The following CLASP2 variants were observed in gnomAD, a reference collection of about 807,000 sequenced individuals.
CLASP2 encodes CLIP-associating protein 2.
In CLASP2, 47 loss-of-function variants were observed where a neutral mutation model predicts 194.4. The ratio of observed to expected loss-of-function variants is 0.24; its 90% CI spans 0.19 to 0.31. The LOEUF is 0.31. Among genes scored for constraint, CLASP2 ranks in the 10% least tolerant of loss-of-function variants. CLASP2 has a pLI of 1.00. For synonymous variants in CLASP2, 619 were observed against 633.5 expected, an observed-to-expected ratio of 0.98 and a Z score of 0.34; for missense variants, 1,445 against 1,823.6, an observed-to-expected ratio of 0.79 and a Z score of 3.78.
chr3:33,696,198 T>C (rs1247846209), intron 2 of CLASP2, among the ~76,000 whole-genome samples: 1 of 151,924 alleles, frequency 6.6e-6, no homozygotes, highest in East Asian at 1.9e-4. Flanking sequence ...TTTATTCTTA[T>C]TGTATTTTAT....
intron 6 of CLASP2, among the ~76,000 whole-genome samples, chr3:33,674,981 C>G (rs1456296039): frequency 1.3e-5 from 2 of 152,134 alleles, no homozygotes; most frequent in South Asian, 2.1e-4. Context: ...GGACCAGATG[C>G]ATTCACAGCC....
intron 7 of CLASP2, among the ~76,000 whole-genome samples, chr3:33,661,633 G>C (rs2154332361): frequency 6.6e-6 from 1 of 152,240 alleles, no homozygotes; most frequent in Non-Finnish European, 1.5e-5. Flanking sequence ...AAGATAACAG[G>C]GTTTCATTTT....
At chr3:33,587,367 G>A (rs1010907986) in intron 21 of CLASP2, among the ~76,000 whole-genome samples, 4 of 152,030 alleles carry the variant, frequency 2.6e-5, no homozygotes, top group Non-Finnish European at 5.9e-5. Context: ...TTCATGATCC[G>A]CCTGCCTCGG....
At chr3:33,717,298 C>T (rs1045866452) in intron 1 of CLASP2, among the ~76,000 whole-genome samples, 2 of 152,106 alleles carry the variant, frequency 1.3e-5, no homozygotes, top group African/African-American at 4.8e-5. Context: ...CAACGTGTCA[C>T]GGAATCGCTG....
At chr3:33,655,861 G>A (rs1435959663) in intron 7 of CLASP2, among the ~76,000 whole-genome samples, 4 of 152,010 alleles carry the variant, frequency 2.6e-5, no homozygotes, top group Non-Finnish European at 5.9e-5. Flanking sequence ...ACTCATTTTT[G>A]GAATAATAGA....
chr3:33,681,239 T>C (rs2089804441), intron 6 of CLASP2, among the ~76,000 whole-genome samples: 2 of 152,062 alleles, frequency 1.3e-5, no homozygotes, highest in South Asian at 2.1e-4. Flanking sequence ...CTTTCTTTCA[T>C]CCATAAAATG....
intron 1 of CLASP2, among the ~76,000 whole-genome samples, chr3:33,706,808 T>C (rs975477638): frequency 6.6e-6 from 1 of 150,750 alleles, no homozygotes; most frequent in Admixed American, 6.6e-5. Flanking sequence ...GAAAAAAAAA[T>C]TTTAAAGTTA....
intron 8 of CLASP2, among the ~76,000 whole-genome samples, chr3:33,641,968 G>A (rs1231474735): frequency 1.3e-5 from 2 of 151,906 alleles, no homozygotes; most frequent in African/African-American, 2.4e-5. Flanking sequence ...GAAAGATAAT[G>A]TATAGTCCAG....
chr3:33,631,044 T>A (rs185348235), intron 9 of CLASP2, among the ~76,000 whole-genome samples: 1 of 152,324 alleles, frequency 6.6e-6, no homozygotes, highest in African/African-American at 2.4e-5. Context: ...TTCTTGTAAC[T>A]TTTTAAGATC....
intron 1 of CLASP2, among the ~76,000 whole-genome samples, chr3:33,716,572 A>T (rs771270722): frequency 5.3e-5 from 8 of 152,214 alleles, no homozygotes; most frequent in Non-Finnish European, 8.8e-5. Flanking sequence ...CATAAAATCA[A>T]CTATCTTGAG....
At chr3:33,581,996 TTTTG>T in intron 22 of CLASP2, 68 bp from the exon 23 acceptor site, 2 of 1,168,408 alleles carry the variant, frequency 1.7e-6, no homozygotes, top group Non-Finnish European at 2.5e-6. Flanking sequence ...TTTTAAAAAA[TTTTG>T]TTTTTTTCTT....
At chr3:33,515,999 T>C in intron 36 of CLASP2, 24 bp downstream of exon 36, 10 of 1,591,308 alleles carry the variant, frequency 6.3e-6, no homozygotes, top group Non-Finnish European at 8.5e-6. Context: ...AATGGAATAA[T>C]ACTTTACCGG....
intron 1 of CLASP2, among the ~76,000 whole-genome samples, chr3:33,713,545 T>C (rs990089658): frequency 6.6e-6 from 1 of 152,198 alleles, no homozygotes; most frequent in Non-Finnish European, 1.5e-5. Flanking sequence ...GATATATAAT[T>C]GAGGTGACAC....
chr3:33,558,832 TAA>T (rs78742392), intron 29 of CLASP2: 39 of 145,270 alleles, frequency 2.7e-4, no homozygotes, highest in South Asian at 4.3e-4. Flanking sequence ...GCCTGACACT[TAA>T]AAAAAAAAAA....
At chr3:33,519,457 A>G (rs1404065076) in intron 34 of CLASP2, among the ~76,000 whole-genome samples, 1 of 152,186 alleles carries the variant, frequency 6.6e-6, no homozygotes, top group East Asian at 1.9e-4. Flanking sequence ...GACTTGAATA[A>G]TTATCTTTTG....
chr3:33,549,429 C>T (rs1269450249), intron 30 of CLASP2, among the ~76,000 whole-genome samples: 1 of 152,160 alleles, frequency 6.6e-6, no homozygotes, highest in East Asian at 1.9e-4. Flanking sequence ...TCTTCATTTT[C>T]ATTCATCTCA....
At chr3:33,547,781 A>G (rs916440644) in intron 30 of CLASP2, among the ~76,000 whole-genome samples, 18 of 145,954 alleles carry the variant, frequency 1.2e-4, no homozygotes, top group Non-Finnish European at 2.4e-4. Flanking sequence ...GTGCAGTTTT[A>G]TTTTATGTAT....
At chr3:33,568,722 T>C (rs934783943) in intron 26 of CLASP2, among the ~76,000 whole-genome samples, 1 of 152,046 alleles carries the variant, frequency 6.6e-6, no homozygotes, top group Non-Finnish European at 1.5e-5. Context: ...GAGACCCTTA[T>C]GGTCTGCAAA....
intron 18 of CLASP2, among the ~76,000 whole-genome samples, chr3:33,599,898 T>C (rs1160806087): frequency 4.6e-5 from 7 of 151,992 alleles, no homozygotes. Flanking sequence ...AAGAAAAAAG[T>C]AGTGGCACTC....
Sources: gnomAD v4.1 joint callset for allele counts (sites outside exome capture counted in the v4.1 genomes callset) on GRCh38, gnomAD v4.1.1 for gene constraint, MANE v1.5 for transcripts, NCBI Gene and HGNC (gene_info 2026-07-23, HGNC 2026-07-21) for gene names.